MAPK4: variants seen among roughly 807,000 people sequenced by gnomAD.
MAPK4 encodes Erk3-related.
In MAPK4, 22 loss-of-function variants were observed where a neutral mutation model predicts 47.7. That is an observed-to-expected ratio of 0.46 (90% CI 0.33 to 0.66). The LOEUF is 0.66. Among genes scored for constraint, MAPK4 ranks in the 30% least tolerant of loss-of-function variants. The probability of loss-of-function intolerance (pLI) is 0.02; values close to 1 mark genes in which losing one functional copy is unlikely to be tolerated. For missense variants in MAPK4, 736 were observed against 831.7 expected, an observed-to-expected ratio of 0.88 and a Z score of 1.42; for synonymous variants, 390 against 365.7, an observed-to-expected ratio of 1.07 and a Z score of -0.76.
chr18:50,729,134 A>C (rs1188515941), intron 5 of MAPK4, 24 bp from the exon 6 acceptor site: 1 of 1,523,338 alleles, frequency 6.6e-7, no homozygotes, highest in East Asian at 2.3e-5. Flanking sequence ...GCATCCAATC[A>C]CCGCTCTGTT....
At chr18:50,574,068 T>C (rs2042273795) in intron 1 of MAPK4, among the ~76,000 whole-genome samples, 1 of 152,202 alleles carries the variant, frequency 6.6e-6, no homozygotes, top group Non-Finnish European at 1.5e-5. Flanking sequence ...AAAAAGAATT[T>C]TGCTCTTTAT....
At chr18:50,592,528 C>T (rs985715421) in intron 1 of MAPK4, among the ~76,000 whole-genome samples, 7 of 152,304 alleles carry the variant, frequency 4.6e-5, no homozygotes, top group Admixed American at 1.3e-4. Context: ...TACAACCCCC[C>T]CCGCTTGGTG....
chr18:50,564,838 C>T (rs560251764), intron 1 of MAPK4, among the ~76,000 whole-genome samples: 5 of 152,218 alleles, frequency 3.3e-5, no homozygotes, highest in Admixed American at 1.3e-4. Context: ...AACCACCAGT[C>T]GGGAAGGAAA....
chr18:50,597,030 T>C (rs2042488371), intron 1 of MAPK4, among the ~76,000 whole-genome samples: 1 of 152,228 alleles, frequency 6.6e-6, no homozygotes, highest in Admixed American at 6.5e-5. Flanking sequence ...GGATCTTAAG[T>C]GTTATGACAA....
At position 50,619,500 on chromosome 18, in the gene MAPK4, A is replaced by AT. The variant is rs1242605148; in HGVS notation, c.-870-43581dup. 4.6e-5 allele frequency among the ~76,000 whole-genome samples: 7 copies of AT among 151,434 alleles called. No homozygotes were observed. In the South Asian group the frequency reaches 1.5e-3, roughly 32 times the overall value. On this transcript the variant is annotated intron_variant, in intron 1 of 5. Transcript: ENST00000400384. Reference sequence around the variant, plus strand: ...GGCTAATTTTTTTGTTTTTATTTTTATTTTTTTTAATAGAGACAGGGTCTC... The same window carrying AT: ...GGCTAATTTTTTTGTTTTTATTTTTATTTTTTTTTAATAGAGACAGGGTCTC...
At chr18:50,675,108 T>C (rs1472492133) in intron 2 of MAPK4, among the ~76,000 whole-genome samples, 2 of 152,218 alleles carry the variant, frequency 1.3e-5, no homozygotes, top group African/African-American at 4.8e-5. Context: ...CCCCATTGTC[T>C]AGATGAAGAC....
chr18:50,609,571 C>T (rs28680308), intron 1 of MAPK4, among the ~76,000 whole-genome samples: 24,567 of 152,008 alleles, frequency 0.16, 2,005 homozygotes, highest in East Asian at 0.18. Flanking sequence ...TTGCCACTAT[C>T]GATTCTTGAT....
At chr18:50,669,294 A>G (rs1014167803) in intron 2 of MAPK4, 2 of 152,254 alleles carry the variant, frequency 1.3e-5, no homozygotes, top group African/African-American at 4.8e-5. Context: ...TAGGAAGCAG[A>G]CTATCTCAAA....
intron 2 of MAPK4, among the ~76,000 whole-genome samples, chr18:50,667,725 T>C (rs1196460311): frequency 6.6e-6 from 1 of 152,138 alleles, no homozygotes; most frequent in Non-Finnish European, 1.5e-5. Flanking sequence ...GGAAAAACTC[T>C]CAGAACATTT....
intron 1 of MAPK4, among the ~76,000 whole-genome samples, chr18:50,623,296 T>C (rs901721978): frequency 1.3e-5 from 2 of 152,212 alleles, no homozygotes; most frequent in African/African-American, 4.8e-5. Context: ...ATCAAGCTCC[T>C]GCGAGCCAGC....
At position 50,663,786 on chromosome 18, in the gene MAPK4, T is replaced by TTAAAAAA; in HGVS notation, c.-173_-172insTAAAAAA. 3 of 596,186 alleles carry TTAAAAAA rather than the reference T, an allele frequency of 5.0e-6. No individual in the cohort carries two copies. Among genetic ancestry groups the TTAAAAAA allele is most frequent in the Admixed American group, 3.0e-5 (1 of 33,348 alleles). The allele number at this position is 596,186 out of a possible 1,614,324, so 36.9% of individuals were successfully genotyped here. On this transcript the variant is annotated 5_prime_UTR_variant, in exon 2 of 6. It introduces an in-frame stop codon into an upstream open reading frame of the 5' UTR. Coordinates refer to ENST00000400384, the MANE Select transcript of MAPK4 (RefSeq NM_002747.4). ...TAGCACAGCTCAGCGAGCATGACCATATGCCATTCTCGTCTCCAGAGAGCT... is the reference window on the plus strand; with the variant it reads ...TAGCACAGCTCAGCGAGCATGACCATTAAAAAAATGCCATTCTCGTCTCCAGAGAGCT...
intron 1 of MAPK4, among the ~76,000 whole-genome samples, chr18:50,592,530 C>G (rs79631263): frequency 1.4e-5 from 2 of 147,342 alleles, no homozygotes; most frequent in Non-Finnish European, 3.0e-5. Flanking sequence ...CAACCCCCCC[C>G]GCTTGGTGTC....
chr18:50,604,359 T>C (rs2042565243), intron 1 of MAPK4, among the ~76,000 whole-genome samples: 1 of 152,230 alleles, frequency 6.6e-6, no homozygotes, highest in African/African-American at 2.4e-5. Flanking sequence ...CATGCTCTTG[T>C]TATTTGTTAA....
At chr18:50,675,808 G>C (rs1163070152) in intron 2 of MAPK4, among the ~76,000 whole-genome samples, 1 of 152,050 alleles carries the variant, frequency 6.6e-6, no homozygotes, top group African/African-American at 2.4e-5. Flanking sequence ...TGTATTTTTA[G>C]TAGAGACGGG....
chr18:50,615,699 T>C (rs1480366382), intron 1 of MAPK4, among the ~76,000 whole-genome samples: 1 of 152,212 alleles, frequency 6.6e-6, no homozygotes, highest in East Asian at 1.9e-4. Flanking sequence ...TTGCCACAGG[T>C]GTATTTTTTA....
chr18:50,659,006 GT>G (rs1415284169), intron 1 of MAPK4, among the ~76,000 whole-genome samples: 4 of 152,232 alleles, frequency 2.6e-5, no homozygotes, highest in Admixed American at 1.3e-4. Context: ...TGTAAATAAA[GT>G]TTTACTGAAA....
chr18:50,631,661 C>T (rs1467966937), intron 1 of MAPK4, among the ~76,000 whole-genome samples: 2 of 152,204 alleles, frequency 1.3e-5, no homozygotes, highest in African/African-American at 4.8e-5. Context: ...AGTACTCAGA[C>T]TCTGACTTCT....
intron 3 of MAPK4, among the ~76,000 whole-genome samples, chr18:50,716,306 A>C (rs1910633628): frequency 6.6e-6 from 1 of 151,976 alleles, no homozygotes; most frequent in South Asian, 2.1e-4. Flanking sequence ...GTCAGCGACG[A>C]CTGTCACCTC....
At chr18:50,653,730 A>G (rs908582494) in intron 1 of MAPK4, among the ~76,000 whole-genome samples, 1 of 152,254 alleles carries the variant, frequency 6.6e-6, no homozygotes, top group Non-Finnish European at 1.5e-5. Context: ...CGCCTACCTC[A>G]CAGTGTAACT....
Sources: gnomAD v4.1 joint callset for allele counts (sites outside exome capture counted in the v4.1 genomes callset) on GRCh38, gnomAD v4.1.1 for gene constraint, MANE v1.5 for transcripts, NCBI Gene and HGNC (gene_info 2026-07-23, HGNC 2026-07-21) for gene names.